The following RBFOX1 variants were observed in gnomAD, a reference collection of about 807,000 sequenced individuals.
RBFOX1 encodes the protein RNA binding fox-1 homolog 1, also known as RNA binding protein fox-1 homolog 1.
A neutral mutation model predicts 57.7 loss-of-function variants in RBFOX1; 8 were observed. The observed-to-expected ratio is 0.14, with a 90% confidence interval of 0.08 to 0.25. RBFOX1 has a LOEUF of 0.25. Among genes scored for constraint, RBFOX1 ranks in the 10% least tolerant of loss-of-function variants. The pLI is 1.00. For missense variants in RBFOX1, 611 were observed against 548.5 expected (o/e 1.11, Z -1.14); for synonymous variants, 326 against 222.4 (o/e 1.47, Z -4.15).
chr16:6,546,583 T>G (rs879665360), intron 2 of RBFOX1, among the ~76,000 whole-genome samples: 4 of 152,220 alleles, frequency 2.6e-5, no homozygotes, highest in Non-Finnish European at 5.9e-5. Context: ...TTTCACATCA[T>G]CTTCCTTCTG....
At chr16:6,059,799 C>T (rs945714873) in intron 1 of RBFOX1, among the ~76,000 whole-genome samples, 1 of 152,138 alleles carries the variant, frequency 6.6e-6, no homozygotes, top group South Asian at 2.1e-4. Context: ...CTGAAGCCCA[C>T]TCAGAGATCA....
intron 2 of RBFOX1, among the ~76,000 whole-genome samples, chr16:5,471,388 T>G (rs1221502075): frequency 2.6e-5 from 4 of 152,334 alleles, no homozygotes; most frequent in Admixed American, 2.6e-4. Flanking sequence ...TTTCAGTGAC[T>G]GGGTTGAGGT....
At chr16:6,935,523 A>C (rs1008660298) in intron 3 of RBFOX1, among the ~76,000 whole-genome samples, 2 of 152,226 alleles carry the variant, frequency 1.3e-5, no homozygotes, top group East Asian at 3.9e-4. Flanking sequence ...TCATGGCAAT[A>C]GATAACTCAC....
intron 4 of RBFOX1, among the ~76,000 whole-genome samples, chr16:7,076,936 T>C (rs924458611): frequency 2.6e-5 from 4 of 152,236 alleles, no homozygotes; most frequent in African/African-American, 9.6e-5. Context: ...TCTAACAATT[T>C]TCTAACATTG....
At chr16:7,174,959 C>G (rs566105669) in intron 4 of RBFOX1, among the ~76,000 whole-genome samples, 1 of 152,160 alleles carries the variant, frequency 6.6e-6, no homozygotes, top group Admixed American at 6.5e-5. Flanking sequence ...GTGGTGATAT[C>G]TCATCATCAT....
chr16:5,537,513 G>A (rs1253617002), intron 2 of RBFOX1, among the ~76,000 whole-genome samples: 1 of 152,224 alleles, frequency 6.6e-6, no homozygotes, highest in Non-Finnish European at 1.5e-5. Flanking sequence ...CTGGAGGCTG[G>A]AGGGGGGAAT....
intron 2 of RBFOX1, among the ~76,000 whole-genome samples, chr16:6,636,869 A>T (rs1441914621): frequency 8.6e-4 from 107 of 124,578 alleles, no homozygotes; most frequent in African/African-American, 3.3e-3. Context: ...AATATATATT[A>T]TATGTTTAAT....
intron 1 of RBFOX1, among the ~76,000 whole-genome samples, chr16:5,323,765 C>T (rs147755110): frequency 2.4e-4 from 37 of 152,318 alleles, no homozygotes; most frequent in Middle Eastern, 3.4e-3. Context: ...ACAGCTGTGA[C>T]GGTTGGCCTT....
At chr16:7,397,850 C>T (rs548143821) in intron 4 of RBFOX1, among the ~76,000 whole-genome samples, 21 of 152,146 alleles carry the variant, frequency 1.4e-4, no homozygotes, top group South Asian at 8.3e-4. Flanking sequence ...TCTGAATAAA[C>T]CTCTTAGTCT....
At chr16:7,267,531 A>T (rs60515415) in intron 4 of RBFOX1, among the ~76,000 whole-genome samples, 2 of 149,204 alleles carry the variant, frequency 1.3e-5, no homozygotes, top group African/African-American at 4.9e-5. Flanking sequence ...GTGAGACTCT[A>T]TCTCGACAAA....
intron 2 of RBFOX1, among the ~76,000 whole-genome samples, chr16:5,474,272 A>C (rs1331381167): frequency 6.6e-6 from 1 of 152,230 alleles, no homozygotes; most frequent in East Asian, 1.9e-4. Flanking sequence ...ATTTCCACTT[A>C]CACTATAGGC....
chr16:5,832,776 A>G (rs1227383916), intron 3 of RBFOX1, among the ~76,000 whole-genome samples: 1 of 152,184 alleles, frequency 6.6e-6, no homozygotes, highest in African/African-American at 2.4e-5. Context: ...GTGAACAGGA[A>G]CCAAAGATGT....
intron 2 of RBFOX1, among the ~76,000 whole-genome samples, chr16:5,593,979 C>G (rs975270624): frequency 6.6e-6 from 1 of 152,050 alleles, no homozygotes; most frequent in Non-Finnish European, 1.5e-5. Flanking sequence ...CGTGATACAC[C>G]ACCCCCATCC....
chr16:6,440,957 C>G (rs2094365363), intron 2 of RBFOX1, among the ~76,000 whole-genome samples: 1 of 152,082 alleles, frequency 6.6e-6, no homozygotes, highest in African/African-American at 2.4e-5. Flanking sequence ...GAGAGAGGGT[C>G]TAGGCTGCGT....
intron 4 of RBFOX1, among the ~76,000 whole-genome samples, chr16:7,460,285 C>T (rs569963666): frequency 1.3e-5 from 2 of 150,276 alleles, no homozygotes; most frequent in East Asian, 3.9e-4. Context: ...TTAGGAAAAT[C>T]TCCCTAGCCA....
At chr16:6,263,609 GTCTC>G (rs1197911859) in intron 1 of RBFOX1, among the ~76,000 whole-genome samples, 2 of 151,940 alleles carry the variant, frequency 1.3e-5, no homozygotes, top group Non-Finnish European at 2.9e-5. Context: ...CTCCCTTCCT[GTCTC>G]TCTCTCTCCT....
chr16:6,945,004 T>G (rs956696113), intron 3 of RBFOX1, among the ~76,000 whole-genome samples: 6 of 152,182 alleles, frequency 3.9e-5, no homozygotes, highest in African/African-American at 1.2e-4. Flanking sequence ...GGTCGTGACT[T>G]TTAGCAGCTC....
chr16:7,340,597 G>T (rs1036368308), intron 4 of RBFOX1, among the ~76,000 whole-genome samples: 1 of 152,128 alleles, frequency 6.6e-6, no homozygotes, highest in Non-Finnish European at 1.5e-5. Context: ...AATAATCAGT[G>T]CAAGATTGTG....
intron 1 of RBFOX1, among the ~76,000 whole-genome samples, chr16:6,103,788 T>C (rs1314249616): frequency 1.3e-5 from 2 of 152,108 alleles, no homozygotes; most frequent in East Asian, 3.9e-4. Flanking sequence ...CACCACAGAG[T>C]AGCATGGGAA....
Sources: gnomAD v4.1 joint callset for allele counts (sites outside exome capture counted in the v4.1 genomes callset) on GRCh38, gnomAD v4.1.1 for gene constraint, MANE v1.5 for transcripts, NCBI Gene and HGNC (gene_info 2026-07-23, HGNC 2026-07-21) for gene names.